Variants in RNF180 observed in about 807,000 individuals in gnomAD.
RNF180 encodes E3 ubiquitin-protein ligase RNF180.
In RNF180, 38 loss-of-function variants were observed where a neutral mutation model predicts 59.2. That is an observed-to-expected ratio of 0.64 (90% confidence interval 0.50 to 0.84). The LOEUF is 0.84. RNF180 is among the 40% of genes least tolerant of loss of function. The probability of loss-of-function intolerance (pLI) is 0.00; values close to 1 mark genes in which losing one functional copy is unlikely to be tolerated. For missense variants in RNF180, 705 were observed against 700.9 expected, an observed-to-expected ratio of 1.01 and a Z score of -0.07; for synonymous variants, 262 against 240.3, an observed-to-expected ratio of 1.09 and a Z score of -0.84.
At chr5:64,356,617 G>T (rs920610106) in intron 7 of RNF180, among the ~76,000 whole-genome samples, 1 of 151,754 alleles carries the variant, frequency 6.6e-6, no homozygotes, top group Admixed American at 6.6e-5. Context: ...ATTAGCAATT[G>T]AATGGATAAA....
intron 5 of RNF180, among the ~76,000 whole-genome samples, chr5:64,217,985 C>T (rs1320611263): frequency 6.6e-6 from 1 of 151,934 alleles, no homozygotes; most frequent in Non-Finnish European, 1.5e-5. Context: ...GGGTTATTTT[C>T]TTTCTTTTAA....
At chr5:64,311,468 A>G (rs1743762799) in intron 5 of RNF180, among the ~76,000 whole-genome samples, 2 of 151,938 alleles carry the variant, frequency 1.3e-5, no homozygotes, top group African/African-American at 2.4e-5. Context: ...GGAGATGTAC[A>G]TGTACATGAA....
intron 1 of RNF180, among the ~76,000 whole-genome samples, chr5:64,179,997 C>G (rs183155133): frequency 3.9e-5 from 6 of 152,146 alleles, no homozygotes; most frequent in African/African-American, 1.4e-4. Flanking sequence ...AGGTTGAACA[C>G]TTTTTATATA....
At chr5:64,170,746 A>G (rs150153785) in intron 1 of RNF180, among the ~76,000 whole-genome samples, 3 of 152,304 alleles carry the variant, frequency 2.0e-5, no homozygotes, top group African/African-American at 7.2e-5. Flanking sequence ...AGGTGGCATC[A>G]GGAGGTGGTC....
At chr5:64,313,063 T>G (rs1036163643) in intron 5 of RNF180, among the ~76,000 whole-genome samples, 2 of 152,156 alleles carry the variant, frequency 1.3e-5, no homozygotes, top group African/African-American at 2.4e-5. Flanking sequence ...ATGTACATAG[T>G]AAGATATCTT....
At chr5:64,317,621 TATACAC>T (rs751102429) in intron 5 of RNF180, among the ~76,000 whole-genome samples, 2 of 110,190 alleles carry the variant, frequency 1.8e-5, no homozygotes, top group East Asian at 8.2e-4. Context: ...CACACACATA[TATACAC>T]ACACACACAC....
At chr5:64,366,420 TTA>T (rs541256310) in intron 7 of RNF180, among the ~76,000 whole-genome samples, 30 of 151,556 alleles carry the variant, frequency 2.0e-4, no homozygotes, top group Non-Finnish European at 3.8e-4. Flanking sequence ...CTGGAGAATG[TTA>T]TGATTATGTG....
intron 5 of RNF180, among the ~76,000 whole-genome samples, chr5:64,319,991 C>T (rs1170249237): frequency 6.6e-6 from 1 of 152,152 alleles, no homozygotes; most frequent in Non-Finnish European, 1.5e-5. Context: ...TGATATGAAT[C>T]AGTTTTCAAA....
intron 5 of RNF180, among the ~76,000 whole-genome samples, chr5:64,236,033 GC>G (rs1389709431): frequency 6.6e-6 from 1 of 152,208 alleles, no homozygotes; most frequent in African/African-American, 2.4e-5. Context: ...TATAAAGATA[GC>G]CTGAAAATGT....
At chr5:64,301,960 T>C (rs1012616571) in intron 5 of RNF180, among the ~76,000 whole-genome samples, 5 of 151,654 alleles carry the variant, frequency 3.3e-5, no homozygotes, top group African/African-American at 1.2e-4. Flanking sequence ...TTAACACATA[T>C]ACACTCTTAA....
chr5:64,196,916 G>T (rs1751483718), intron 1 of RNF180, among the ~76,000 whole-genome samples: 1 of 152,064 alleles, frequency 6.6e-6, no homozygotes, highest in Non-Finnish European at 1.5e-5. Flanking sequence ...TTTGGAGAAG[G>T]TATCTGAGTT....
chr5:64,213,448 T>C, intron 3 of RNF180, 110 bp from the exon 4 acceptor site: 1 of 924,702 alleles, frequency 1.1e-6, no homozygotes, highest in East Asian at 2.4e-5. Flanking sequence ...AAAGCTAGCC[T>C]TTTCTGTGGC....
intron 6 of RNF180, among the ~76,000 whole-genome samples, chr5:64,328,600 G>A (rs1744759618): frequency 6.6e-6 from 1 of 152,138 alleles, no homozygotes; most frequent in African/African-American, 2.4e-5. Context: ...CTGGTTCGTG[G>A]GTGTGCAATT....
At chr5:64,169,866 A>G (rs779749125) in intron 1 of RNF180, among the ~76,000 whole-genome samples, 2 of 152,234 alleles carry the variant, frequency 1.3e-5, no homozygotes, top group Non-Finnish European at 2.9e-5. Context: ...CGCGGGATAA[A>G]TTCTAATCAT....
chr5:64,344,615 G>T (rs996159854), intron 7 of RNF180, among the ~76,000 whole-genome samples: 1 of 152,190 alleles, frequency 6.6e-6, no homozygotes, highest in Non-Finnish European at 1.5e-5. Context: ...TGTGTTATTA[G>T]CAGCGGTCTC....
intron 5 of RNF180, among the ~76,000 whole-genome samples, chr5:64,291,455 C>T (rs1313438088): frequency 6.1e-5 from 7 of 115,414 alleles, no homozygotes; most frequent in East Asian, 2.6e-4. Context: ...GGCGGAGTCT[C>T]GATCTGTTGC....
At chr5:64,251,431 GTTAA>G (rs765594801) in intron 5 of RNF180, among the ~76,000 whole-genome samples, 3 of 152,160 alleles carry the variant, frequency 2.0e-5, no homozygotes, top group East Asian at 1.9e-4. Context: ...TAGTTAGCTA[GTTAA>G]TTAATTAATT....
At chr5:64,274,434 G>A (rs1321078956) in intron 5 of RNF180, among the ~76,000 whole-genome samples, 1 of 151,340 alleles carries the variant, frequency 6.6e-6, no homozygotes, top group East Asian at 1.9e-4. Context: ...TTGTTCGTTG[G>A]CAGTTGATTT....
chr5:64,355,625 C>T (rs765796355), intron 7 of RNF180, among the ~76,000 whole-genome samples: 25 of 151,814 alleles, frequency 1.6e-4, no homozygotes, highest in Admixed American at 5.9e-4. Flanking sequence ...AAAAGAAGTA[C>T]AGTGTTCATA....
Sources: gnomAD v4.1 joint callset for allele counts (sites outside exome capture counted in the v4.1 genomes callset) on GRCh38, gnomAD v4.1.1 for gene constraint, MANE v1.5 for transcripts, NCBI Gene and HGNC (gene_info 2026-07-23, HGNC 2026-07-21) for gene names.